Variants in IQCH observed in about 807,000 individuals in gnomAD.
IQCH encodes IQ motif containing H.
In IQCH, 98 loss-of-function variants were observed where a neutral mutation model predicts 117.0. The observed-to-expected ratio is 0.84, with a 90% confidence interval of 0.71 to 0.99. IQCH has a LOEUF of 0.99. IQCH is among the 50% of genes least tolerant of loss of function. IQCH has a pLI of 0.00. For missense variants in IQCH, 1,102 were observed against 1,243.8 expected (o/e 0.89, Z 1.72); for synonymous variants, 412 against 448.2 (o/e 0.92, Z 1.02).
At chr15:67,400,491 C>CTTTTTTTTTTTTTT (rs1555481901) in intron 14 of IQCH, among the ~76,000 whole-genome samples, 186 bp downstream of exon 14, 18 of 115,602 alleles carry the variant, frequency 1.6e-4, no homozygotes, top group Non-Finnish European at 2.2e-4. Flanking sequence ...TCTTTTTTTT[C>CTTTTTTTTTTTTTT]TTTTTTTTTT....
At chr15:67,340,039 T>TG (rs1969073253) in intron 5 of IQCH, among the ~76,000 whole-genome samples, 1 of 152,154 alleles carries the variant, frequency 6.6e-6, no homozygotes, top group Non-Finnish European at 1.5e-5. Context: ...TTACCACCTA[T>TG]AAGGCTGAAA....
chr15:67,344,497 G>T (rs1485701835), intron 6 of IQCH, among the ~76,000 whole-genome samples: 1 of 152,076 alleles, frequency 6.6e-6, no homozygotes, highest in Non-Finnish European at 1.5e-5. Context: ...TTTATCACTG[G>T]GAGTCAAAGA....
At position 67,359,060 on chromosome 15, in the gene IQCH, T is replaced by G. The variant is rs963107124; in HGVS notation, c.715-787T>G. 6.6e-6 allele frequency among the ~76,000 whole-genome samples: 1 copy of G among 152,174 alleles called. No individual in the cohort carries two copies. Among genetic ancestry groups the G allele is most frequent in the African/African-American group, 2.4e-5 (1 of 41,442 alleles). ...TGGCCTGCACCATTATTGTTTCAAA[T>G]TCAGCTGTTTAACAGGCTGTGAGAA... is the stretch of plus-strand genomic sequence containing the variant. On this transcript the variant is annotated intron_variant, in intron 7 of 20. Coordinates refer to ENST00000335894, the MANE Select transcript of IQCH (RefSeq NM_001031715.3). The surrounding 1 kb of genome is among the most constrained non-coding windows in gnomAD (Gnocchi z 4.5).
At chr15:67,312,411 G>A (rs908319647) in intron 4 of IQCH, among the ~76,000 whole-genome samples, 14 of 152,092 alleles carry the variant, frequency 9.2e-5, no homozygotes, top group African/African-American at 2.7e-4. Flanking sequence ...AGTTAGAGCC[G>A]TGATAGATCT....
At chr15:67,429,940 A>G (rs2081985083) in intron 16 of IQCH, among the ~76,000 whole-genome samples, 1 of 152,208 alleles carries the variant, frequency 6.6e-6, no homozygotes, top group Admixed American at 6.5e-5. Context: ...AGACTTAAAT[A>G]TTGGAAGCAT....
At chr15:67,449,558 G>T (rs2082469861) in intron 16 of IQCH, among the ~76,000 whole-genome samples, 1 of 152,060 alleles carries the variant, frequency 6.6e-6, no homozygotes, top group Non-Finnish European at 1.5e-5. Flanking sequence ...TATTTCTGAG[G>T]GTTCTGTTCT....
At chr15:67,300,951 G>T (rs1966996320) in intron 4 of IQCH, among the ~76,000 whole-genome samples, 2 of 152,112 alleles carry the variant, frequency 1.3e-5, no homozygotes. Context: ...CAGCCATGTA[G>T]GTAAAACAGT....
intron 6 of IQCH, among the ~76,000 whole-genome samples, chr15:67,347,727 G>A (rs1244008274): frequency 6.7e-6 from 1 of 150,174 alleles, no homozygotes; most frequent in Non-Finnish European, 1.5e-5. Context: ...AAAAACTACA[G>A]CCCAGTATTC....
intron 16 of IQCH, among the ~76,000 whole-genome samples, chr15:67,449,328 G>C (rs556209554): frequency 1.3e-3 from 201 of 152,196 alleles, no homozygotes; most frequent in African/African-American, 4.5e-3. Context: ...GTATTGCCTA[G>C]GTTTTCTTCT....
At chr15:67,259,066 T>C (rs1295187428) in intron 1 of IQCH, among the ~76,000 whole-genome samples, 1 of 152,068 alleles carries the variant, frequency 6.6e-6, no homozygotes, top group Non-Finnish European at 1.5e-5. Flanking sequence ...TTACAGGGTA[T>C]TACTTATAGT....
At chr15:67,267,067 GTT>G (rs1049911422) in intron 3 of IQCH, among the ~76,000 whole-genome samples, 7 of 152,228 alleles carry the variant, frequency 4.6e-5, no homozygotes, top group Non-Finnish European at 1.0e-4. Flanking sequence ...CTGTTCCACT[GTT>G]TTGTGGTTTG....
At chr15:67,316,518 T>C (rs1333305798) in intron 4 of IQCH, among the ~76,000 whole-genome samples, 1 of 152,194 alleles carries the variant, frequency 6.6e-6, no homozygotes, top group Non-Finnish European at 1.5e-5. Flanking sequence ...TTATCCATAG[T>C]TTAAAGTGTA....
chr15:67,344,065 A>T lies in IQCH; in HGVS notation c.511A>T (p.Ile171Phe), dbSNP rs1969280907. The part of the protein sequence containing the change: ...PVLQADAHKG[I>F]LSMIERGLIP... Reference sequence around the variant, plus strand: ...ATTTTATTAATGTTTCTTTTTAGGGATTTTAAGTATGATAGAACGAGGGCT... The same window carrying T: ...ATTTTATTAATGTTTCTTTTTAGGGTTTTTAAGTATGATAGAACGAGGGCT... Residue 171 changes from isoleucine (I) to phenylalanine (F), a missense_variant and splice_region_variant, in exon 6 of 21, where the codon ATT becomes TTT. This residue lies in a region of IQCH where 452 missense variants were observed against 449.6 expected (regional missense o/e 1.01). Transcript: ENST00000335894. 3 of 1,611,306 alleles carry T rather than the reference A, an allele frequency of 1.9e-6. No individual in the cohort carries two copies. The highest frequency in any genetic ancestry group is 2.5e-6 in the Non-Finnish European group (3 of 1,178,622).
At position 67,411,273 on chromosome 15, in the gene IQCH, C is replaced by T. The variant is rs1024364184; in HGVS notation, c.2098-5658C>T. ...AAGAGGCAGCAGGGCCGGTGGGGAG[C>T]ACTTACCCAGGAGTCAGAGGCAGCC... On this transcript the variant is annotated intron_variant, in intron 14 of 20. Coordinates refer to ENST00000335894, the MANE Select transcript of IQCH (RefSeq NM_001031715.3). This position sits in a 1 kb window ranked among gnomAD's most constrained non-coding sequence, Gnocchi z 4.4. Among the ~76,000 whole-genome samples, 1 of 152,140 alleles carries T rather than the reference C, an allele frequency of 6.6e-6. No individual in the cohort carries two copies. The highest frequency in any genetic ancestry group is 2.4e-5 in the African/African-American group (1 of 41,432).
intron 16 of IQCH, among the ~76,000 whole-genome samples, chr15:67,441,259 A>G (rs2082265947): frequency 6.6e-6 from 1 of 152,108 alleles, no homozygotes; most frequent in African/African-American, 2.4e-5. Flanking sequence ...ATGGAAACAC[A>G]TCCCATACTC....
chr15:67,255,000 G>A, intron 1 of IQCH, 53 bp downstream of exon 1: 2 of 1,549,094 alleles, frequency 1.3e-6, no homozygotes, highest in Non-Finnish European at 1.8e-6. Context: ...CCACTTCCGA[G>A]CGAGGTCCCG....
At chr15:67,298,903 T>A (rs1015400557) in intron 4 of IQCH, among the ~76,000 whole-genome samples, 1 of 152,062 alleles carries the variant, frequency 6.6e-6, no homozygotes, top group Non-Finnish European at 1.5e-5. Flanking sequence ...AGCTACCATA[T>A]GATCCAGCAA....
rs554419123 is a variant in IQCH at position 67,411,060 on chromosome 15, C to T, written c.2098-5871C>T. 2.0e-5 allele frequency among the ~76,000 whole-genome samples: 3 copies of T among 152,092 alleles called. No homozygotes were observed. The highest frequency in any genetic ancestry group is 7.2e-5 in the African/African-American group (3 of 41,422). ...CTGCACATGCCTACCATATGGTGAGCTTTTAATTATTAAAAGCTTTTAGGA... is the reference window on the plus strand; with the variant it reads ...CTGCACATGCCTACCATATGGTGAGTTTTTAATTATTAAAAGCTTTTAGGA... On this transcript the variant is annotated intron_variant, in intron 14 of 20. Transcript: ENST00000335894. This position sits in a 1 kb window ranked among gnomAD's most constrained non-coding sequence, Gnocchi z 4.4.
chr15:67,494,218 G>T lies in IQCH; in HGVS notation c.2862-40G>T. ...GCGATTGTTTTTAAGCATGTGAAGG[G>T]AATCGTTGGTAAACTCATTTGTTTG... On this transcript the variant is annotated intron_variant, in intron 19 of 20. Transcript: ENST00000335894. The surrounding 1 kb of genome is among the most constrained non-coding windows in gnomAD (Gnocchi z 5.5). 6.9e-7 allele frequency: 1 copy of T among 1,443,752 alleles called. No individual in the cohort carries two copies. The highest frequency in any genetic ancestry group is 9.5e-7 in the Non-Finnish European group (1 of 1,050,752). 89.4% of individuals were successfully genotyped at this position (1,443,752 alleles called of 1,614,324 possible). A position where few individuals can be genotyped will look rare whatever the true frequency, so the allele number is the denominator to read the frequency against.
Sources: gnomAD v4.1 joint callset for allele counts (sites outside exome capture counted in the v4.1 genomes callset) on GRCh38, gnomAD v4.1.1 for gene constraint, gnomAD v4.1.1 regional missense constraint, Gnocchi (gnomAD v3.1) non-coding constraint, MANE v1.5 for transcripts, NCBI Gene and HGNC (gene_info 2026-07-23, HGNC 2026-07-21) for gene names.